The following TENM2 variants were observed in gnomAD, a reference collection of about 807,000 sequenced individuals.
TENM2 encodes the protein teneurin-2.
A neutral mutation model predicts 245.2 loss-of-function variants in TENM2; 52 were observed. The observed-to-expected ratio is 0.21, with a 90% confidence interval of 0.17 to 0.27. The LOEUF (loss-of-function observed/expected upper bound fraction) is 0.27. TENM2 is among the 10% of genes least tolerant of loss of function. TENM2 has a pLI of 1.00. For missense variants in TENM2, 3,046 were observed against 3,666.8 expected (o/e 0.83, Z 4.37); for synonymous variants, 1,363 against 1,438.9 (o/e 0.95, Z 1.19).
the TENM2 span, among the ~76,000 whole-genome samples, chr5:167,002,098 C>T: frequency 1.3e-5 from 2 of 151,792 alleles, no homozygotes; most frequent in Non-Finnish European, 2.9e-5. Context: ...TGAAAAAGAA[C>T]TAGGAAAAAA....
chr5:167,982,476 T>A (rs913168282), intron 4 of TENM2, among the ~76,000 whole-genome samples: 1 of 152,236 alleles, frequency 6.6e-6, no homozygotes, highest in African/African-American at 2.4e-5. Context: ...CATACATATA[T>A]TAAACACTTC....
the TENM2 span, among the ~76,000 whole-genome samples, chr5:167,062,171 T>G: frequency 6.6e-6 from 1 of 152,190 alleles, no homozygotes; most frequent in Admixed American, 6.5e-5. Context: ...TGCCTTGAAA[T>G]CAAAACAGAA....
chr5:168,234,421 C>A (rs1249137739), intron 25 of TENM2, among the ~76,000 whole-genome samples: 2 of 151,954 alleles, frequency 1.3e-5, no homozygotes, highest in African/African-American at 4.8e-5. Context: ...AGTAAAAGCA[C>A]CTAGACAGGG....
chr5:167,875,878 T>C, intron 2 of TENM2, 108 bp from the exon 5 acceptor site: 2 of 660,788 alleles, frequency 3.0e-6, no homozygotes, highest in Non-Finnish European at 5.0e-6. Flanking sequence ...TTCATTTCTT[T>C]TTTTTTTTTT....
chr5:167,512,249 G>T (rs1770014807), intron 2 of TENM2, among the ~76,000 whole-genome samples: 1 of 152,136 alleles, frequency 6.6e-6, no homozygotes, highest in African/African-American at 2.4e-5. Context: ...TTGGTGCTTG[G>T]ATGTAACCAA....
At chr5:167,653,008 T>C (rs979105433) in intron 2 of TENM2, among the ~76,000 whole-genome samples, 26 of 152,170 alleles carry the variant, frequency 1.7e-4, no homozygotes, top group African/African-American at 6.0e-4. Context: ...GCTTACTGCT[T>C]TTCATATATT....
At chr5:168,131,714 C>A (rs1391894516) in intron 12 of TENM2, among the ~76,000 whole-genome samples, 1 of 152,162 alleles carries the variant, frequency 6.6e-6, no homozygotes, top group African/African-American at 2.4e-5. Context: ...ATTCCAGTCT[C>A]ATTCTAAGTT....
chr5:167,014,061 A>G, the TENM2 span, among the ~76,000 whole-genome samples: 1 of 151,014 alleles, frequency 6.6e-6, no homozygotes, highest in Non-Finnish European at 1.5e-5. Context: ...AAAAAAGTTT[A>G]TTTTGTGAAA....
At chr5:167,331,200 C>T (rs1757437296) in intron 1 of TENM2, among the ~76,000 whole-genome samples, 1 of 130,598 alleles carries the variant, frequency 7.7e-6, no homozygotes, top group Non-Finnish European at 1.5e-5. Context: ...CATGCTACTG[C>T]ACTCCAGCCA....
intron 1 of TENM2, among the ~76,000 whole-genome samples, chr5:167,322,561 T>C (rs554076205): frequency 6.6e-6 from 1 of 152,346 alleles, no homozygotes; most frequent in South Asian, 2.1e-4. Context: ...ATGAAATGTT[T>C]AGCCCAGTGC....
intron 2 of TENM2, among the ~76,000 whole-genome samples, chr5:167,669,914 AG>A (rs1346737217): frequency 6.6e-6 from 1 of 151,982 alleles, no homozygotes; most frequent in African/African-American, 2.4e-5. Context: ...CTTAATAAGT[AG>A]ATTAGTTAGA....
chr5:167,217,915 C>T, the TENM2 span, among the ~76,000 whole-genome samples: 11 of 151,618 alleles, frequency 7.3e-5, no homozygotes, highest in Non-Finnish European at 2.9e-5. Context: ...ATGTGATGCA[C>T]AATGCTATTG....
At chr5:168,195,605 TGTGTG>T (rs1295474117) in intron 15 of TENM2, among the ~76,000 whole-genome samples, 14 of 109,756 alleles carry the variant, frequency 1.3e-4, no homozygotes, top group African/African-American at 3.9e-4. Context: ...TGTGTGTGTG[TGTGTG>T]TTGGGGTGGG....
intron 2 of TENM2, among the ~76,000 whole-genome samples, chr5:167,697,368 G>A (rs180796281): frequency 4.2e-4 from 64 of 152,106 alleles, no homozygotes; most frequent in African/African-American, 1.4e-3. Flanking sequence ...GACTTATTTC[G>A]AATTGTAATC....
chr5:167,921,009 T>C (rs1406368625), intron 3 of TENM2, among the ~76,000 whole-genome samples: 1 of 152,232 alleles, frequency 6.6e-6, no homozygotes, highest in Non-Finnish European at 1.5e-5. Context: ...GATATATTGA[T>C]AGGCTATGGA....
intron 5 of TENM2, among the ~76,000 whole-genome samples, chr5:168,031,341 G>A (rs1787127559): frequency 6.6e-6 from 1 of 152,148 alleles, no homozygotes; most frequent in Admixed American, 6.5e-5. Flanking sequence ...TAATTCAAAA[G>A]GCAAGCCATC....
At chr5:167,135,144 G>A in the TENM2 span, among the ~76,000 whole-genome samples, 1 of 152,024 alleles carries the variant, frequency 6.6e-6, no homozygotes, top group Non-Finnish European at 1.5e-5. Flanking sequence ...TGGTTTTCTG[G>A]GGTTTAGAGC....
At chr5:167,464,887 T>C (rs1190302783) in intron 2 of TENM2, among the ~76,000 whole-genome samples, 1 of 152,236 alleles carries the variant, frequency 6.6e-6, no homozygotes, top group African/African-American at 2.4e-5. Flanking sequence ...TTGTTGAAAA[T>C]GTGCTGAACT....
the TENM2 span, among the ~76,000 whole-genome samples, chr5:167,013,478 C>T: frequency 2.0e-5 from 3 of 151,540 alleles, no homozygotes; most frequent in East Asian, 1.9e-4. Context: ...TTTTTTTTCC[C>T]GAAAAGCTGA....
Sources: gnomAD v4.1 joint callset for allele counts (sites outside exome capture counted in the v4.1 genomes callset) on GRCh38, gnomAD v4.1.1 for gene constraint, MANE v1.5 for transcripts, NCBI Gene and HGNC (gene_info 2026-07-23, HGNC 2026-07-21) for gene names.